The following SMG1 variants were observed in gnomAD, a reference collection of about 807,000 sequenced individuals.
SMG1 encodes SMG1 nonsense mediated mRNA decay associated PI3K related kinase, also known as serine/threonine-protein kinase SMG1.
A neutral mutation model predicts 419.9 loss-of-function variants in SMG1; 22 were observed. The ratio of observed to expected loss-of-function variants is 0.05; its 90% confidence interval spans 0.04 to 0.07. The LOEUF (loss-of-function observed/expected upper bound fraction) is 0.07. Among genes scored for constraint, SMG1 ranks in the 10% least tolerant of loss-of-function variants. The pLI is 1.00. For synonymous variants in SMG1, 1,538 were observed against 1,553.5 expected, an observed-to-expected ratio of 0.99 and a Z score of 0.23; for missense variants, 3,185 against 4,342.0, an observed-to-expected ratio of 0.73 and a Z score of 7.49.
intron 23 of SMG1, 95 bp from the exon 24 acceptor site, chr16:18,864,239 A>G (rs1355561723): frequency 9.0e-7 from 1 of 1,111,592 alleles, no homozygotes; most frequent in South Asian, 1.8e-5. Flanking sequence ...CTTCTTGCCC[A>G]GGCTGGAGTG....
In SMG1 at chr16:18,840,050, T is replaced by G. The variant is rs533577998; in HGVS notation, c.6697-104A>C. The G allele has an allele frequency of 1.9e-4, 167 of 878,928 alleles. 1 individual carries two copies. In the African/African-American group the frequency reaches 2.6e-3, roughly 14 times the overall value. 54.4% of individuals were successfully genotyped at this position (878,928 alleles called of 1,614,324 possible). ...AGAATTTTTAAAAATGATTTTTCAGTAGCATTCTCTCATTACTCAACTAAA... is the reference window on the plus strand; with the variant it reads ...AGAATTTTTAAAAATGATTTTTCAGGAGCATTCTCTCATTACTCAACTAAA... On this transcript the variant is annotated intron_variant, in intron 41 of 62. Transcript: ENST00000446231.
In SMG1 at chr16:18,852,116, C is replaced by T. The variant is rs767089560; in HGVS notation, c.5003G>A (p.Arg1668Lys). 1.5e-5 allele frequency: 25 copies of T among 1,613,638 alleles called. No individual in the cohort carries two copies. Among genetic ancestry groups the T allele is most frequent in the Non-Finnish European group, 2.0e-5 (24 of 1,179,850 alleles). Residue 1668 changes from arginine (R) to lysine (K), a missense_variant, in exon 33 of 63, where the codon AGA becomes AAA. Coordinates refer to ENST00000446231, the MANE Select transcript of SMG1 (RefSeq NM_015092.5). ...AGCCTGTCCAAGAATACCATATATT[C>T]TCTCTTTCTCTTCCTCAGTTATAGT... Reference protein sequence around the residue: ...PDTITEEEKERIYGILGQAVC... With the variant: ...PDTITEEEKEKIYGILGQAVC...
At chr16:18,912,099 A>C (rs1351420429) in intron 1 of SMG1, among the ~76,000 whole-genome samples, 5 of 143,548 alleles carry the variant, frequency 3.5e-5, no homozygotes, top group Non-Finnish European at 6.1e-5. Flanking sequence ...AAAAAAAAAA[A>C]CCATTCTTAA....
At chr16:18,869,453 C>T in intron 19 of SMG1, 150 bp from the exon 20 acceptor site, 2 of 682,988 alleles carry the variant, frequency 2.9e-6, no homozygotes, top group South Asian at 1.9e-5. Context: ...TTGTGTCCCC[C>T]CTCTCATTTT....
chr16:18,819,877 TTTA>T (rs1596467248), intron 55 of SMG1, among the ~76,000 whole-genome samples: 1 of 152,364 alleles, frequency 6.6e-6, no homozygotes, highest in East Asian at 1.9e-4. Flanking sequence ...TGGCTTTCAG[TTTA>T]TTATCTTAAA....
rs1282223326 is a variant in SMG1, at chr16:18,847,065, A to G, written c.5996+388T>C. Among the ~76,000 whole-genome samples the G allele has an allele frequency of 9.6e-3, 6 of 622 alleles. No individual in the cohort carries two copies. The Admixed American group carries it at 0.23, about 24-fold the overall frequency. The allele number at this position is 622 out of a possible 152,430, so 0.4% of individuals were successfully genotyped here. A position where few individuals can be genotyped will look rare whatever the true frequency, so the allele number is the denominator to read the frequency against. On this transcript the variant is annotated intron_variant, in intron 38 of 62. Transcript: ENST00000446231. ...TATTCAGCGATAAAAAAATGAAATT[A>G]TATCACGTTACAACATAATAAACCT...
chr16:18,926,008 T>G lies in SMG1; in HGVS notation c.34A>C (p.Ser12Arg). Residue 12 changes from serine (S) to arginine (R), a missense_variant, in exon 1 of 63, where the codon AGC becomes CGC. Physicochemically the swap from Ser to Arg is moderately radical, Grantham distance 110. Coordinates refer to ENST00000446231, the MANE Select transcript of SMG1 (RefSeq NM_015092.5). ...TTGGTGCCGCCGCCGCCGCCGCCGC[T>G]GCTCAGCCGAGACCCCGGGGCTCTG... is the stretch of plus-strand genomic sequence containing the variant. ...SRRAPGSRLS[S>R]GGGGGGTKYP... is the part of the protein sequence containing the mutation. The G allele has an allele frequency of 6.3e-7, 1 of 1,578,314 alleles. No homozygotes were observed. Among genetic ancestry groups the G allele is most frequent in the Non-Finnish European group, 8.6e-7 (1 of 1,168,582 alleles).
chr16:18,866,922 T>C, intron 22 of SMG1, 147 bp from the exon 23 acceptor site: 1 of 614,670 alleles, frequency 1.6e-6, no homozygotes, highest in Non-Finnish European at 2.9e-6. Context: ...AGCTCAGAAT[T>C]CTTTAAAATG....
In SMG1 at chr16:18,926,142, A is replaced by T. The variant is rs1028109386; in HGVS notation, c.-101T>A. 15 of 1,089,336 alleles carry T rather than the reference A, an allele frequency of 1.4e-5. No individual in the cohort carries two copies. Among genetic ancestry groups the T allele is most frequent in the Non-Finnish European group, 1.8e-5 (14 of 788,786 alleles). 67.5% of individuals were successfully genotyped at this position (1,089,336 alleles called of 1,614,324 possible). ...GACACCCCGCTCCGGCCCGGGGCTG[A>T]GGAGGAAGCCGAGAAGGAGGAGGAG... On this transcript the variant is annotated 5_prime_UTR_variant, in exon 1 of 63. Coordinates refer to ENST00000446231, the MANE Select transcript of SMG1 (RefSeq NM_015092.5).
rs751481624 is a variant in SMG1, at chr16:18,817,351, C to T, written c.10014G>A (p.Ser3338=). 22 of 1,612,296 alleles carry T rather than the reference C, an allele frequency of 1.4e-5. No homozygotes were observed. Among genetic ancestry groups the T allele is most frequent in the East Asian group, 4.5e-5 (2 of 44,842 alleles). Residue 3338 remains serine (S), a synonymous_variant, in exon 57 of 63, where the codon TCG becomes TCA. Transcript: ENST00000446231. ...ELIKRCQQMC[S]FASQFNSSVS... ...CTGAACTGTTAAACTGTGATGCAAA[C>T]GAACACATCTGCTGACATCGCTTGA...
intron 22 of SMG1, among the ~76,000 whole-genome samples, chr16:18,867,526 AAAATAAATAAATAAATAAAT>A (rs139133406): frequency 4.2e-5 from 6 of 142,134 alleles, no homozygotes; most frequent in Middle Eastern, 3.5e-3. Flanking sequence ...TGTGTCTCAA[AAAATAAATAAATAAATAAAT>A]AAATAAATAA....
At position 18,842,445 on chromosome 16, in the gene SMG1, T is replaced by G; in HGVS notation, c.6229A>C (p.Ser2077Arg). The part of the protein sequence containing the change: ...SWIPFKEIML[S>R]LQQRAQKRAS... ...CGTTTCTGTGCTCTCTGTTGCAAAC[T>G]TAGCATTATCTATATTCATAAGATG... The change falls in exon 40 of 63, where the codon AGT becomes CGT. Residue 2077 changes from serine (S) to arginine (R), a missense_variant. Ser to Arg is a moderately radical substitution (Grantham distance 110, BLOSUM62 -1). Around this residue, in one of 27 missense-constraint regions of SMG1, gnomAD observed 159 missense variants for 196.0 expected, o/e 0.81. Coordinates refer to ENST00000446231, the MANE Select transcript of SMG1 (RefSeq NM_015092.5). The G allele has an allele frequency of 6.2e-7, 1 of 1,613,530 alleles. No homozygotes were observed.
intron 26 of SMG1, among the ~76,000 whole-genome samples, chr16:18,860,350 T>C (rs1481287941): frequency 6.6e-6 from 1 of 152,258 alleles, no homozygotes; most frequent in Non-Finnish European, 1.5e-5. Flanking sequence ...CTATTTGTGA[T>C]AAATTAATGA....
rs778152514 is a variant in SMG1 at position 18,815,553 on chromosome 16, T to A, written c.10401A>T (p.Gln3467His). 96 of 1,613,900 alleles carry A rather than the reference T, an allele frequency of 5.9e-5. No homozygotes were observed. Among genetic ancestry groups the A allele is most frequent in the Non-Finnish European group, 7.8e-5 (92 of 1,179,904 alleles). ...GEYKSWQDNI[Q>H]TVLFTLVQAM... ...CCTGGACTAATGTAAATAGAACTGT[T>A]TGAATGTTGTCTTGCCATGATTTAT... Residue 3467 changes from glutamine (Q) to histidine (H), a missense_variant, in exon 59 of 63, where the codon CAA becomes CAT. Physicochemically the swap from Gln to His is conservative, Grantham distance 24. This residue lies in a region of SMG1 where 737 missense variants were observed against 846.6 expected (regional missense o/e 0.87). Transcript: ENST00000446231.
intron 1 of SMG1, among the ~76,000 whole-genome samples, chr16:18,914,509 C>A (rs1441561134): frequency 6.6e-6 from 1 of 151,778 alleles, no homozygotes; most frequent in Non-Finnish European, 1.5e-5. Flanking sequence ...ACGGTGAAAC[C>A]CCATCTCTAC....
intron 1 of SMG1, chr16:18,899,891 A>G: frequency 1.4e-6 from 1 of 702,158 alleles, no homozygotes; most frequent in Non-Finnish European, 2.5e-6. Flanking sequence ...CATGGAGAGA[A>G]AAAAAAAGAA....
intron 1 of SMG1, among the ~76,000 whole-genome samples, chr16:18,897,606 C>T (rs2037183723): frequency 6.6e-6 from 1 of 152,092 alleles, no homozygotes; most frequent in Admixed American, 6.6e-5. Flanking sequence ...AGTTGTAGTT[C>T]ATAATCTATT....
chr16:18,919,712 A>G (rs1184184314), intron 1 of SMG1, among the ~76,000 whole-genome samples: 1 of 149,938 alleles, frequency 6.7e-6, no homozygotes, highest in Admixed American at 6.7e-5. Flanking sequence ...TCTCCCTAGA[A>G]GCATCAATAT....
intron 55 of SMG1, among the ~76,000 whole-genome samples, 188 bp downstream of exon 55, chr16:18,827,843 G>A (rs2032851447): frequency 3.0e-5 from 3 of 100,438 alleles, no homozygotes; most frequent in South Asian, 8.5e-4. Context: ...ATATATCTTT[G>A]GTATATATAT....
Sources: gnomAD v4.1 joint callset for allele counts (sites outside exome capture counted in the v4.1 genomes callset) on GRCh38, gnomAD v4.1.1 for gene constraint, gnomAD v4.1.1 regional missense constraint, MANE v1.5 for transcripts, NCBI Gene and HGNC (gene_info 2026-07-23, HGNC 2026-07-21) for gene names.